Variants in PKP1 observed in about 807,000 individuals in gnomAD.
The protein encoded by PKP1 is plakophilin-1.
Under a neutral mutation model 76.4 loss-of-function variants are expected in PKP1, and 27 were observed. The ratio of observed to expected loss-of-function variants is 0.35; its 90% CI spans 0.26 to 0.49. PKP1 has a LOEUF of 0.49. PKP1 is among the 20% of genes least tolerant of loss of function. The pLI, the probability that PKP1 is intolerant of heterozygous loss-of-function variation, is 0.99. For missense variants in PKP1, 964 were observed against 955.2 expected (o/e 1.01, Z -0.12); for synonymous variants, 404 against 384.2 (o/e 1.05, Z -0.60).
intron 3 of PKP1, among the ~76,000 whole-genome samples, chr1:201,315,630 G>A (rs1451391713): frequency 6.6e-6 from 1 of 152,182 alleles, no homozygotes. Context: ...CCCTGGATAG[G>A]GGCTGGGGAA....
At chr1:201,294,405 T>G (rs538101954) in intron 2 of PKP1, among the ~76,000 whole-genome samples, 2 of 152,360 alleles carry the variant, frequency 1.3e-5, no homozygotes, top group Middle Eastern at 3.4e-3. Flanking sequence ...AGGAAAATCC[T>G]AAAGGGTCAT....
At chr1:201,290,811 G>A (rs1029978969) in intron 1 of PKP1, among the ~76,000 whole-genome samples, 4 of 152,338 alleles carry the variant, frequency 2.6e-5, no homozygotes, top group African/African-American at 9.6e-5. Context: ...AGTACATGGT[G>A]GTGGAGACTT....
rs368748415 is a variant in PKP1, at chr1:201,283,683, G to A, written c.-20G>A. ...CTGCTCTCCTAGGCCCCGGCCGCGCGCCACCCGCCTCCCGCCACCATGAAC... is the reference window on the plus strand; with the variant it reads ...CTGCTCTCCTAGGCCCCGGCCGCGCACCACCCGCCTCCCGCCACCATGAAC... On this transcript the variant is annotated 5_prime_UTR_variant, in exon 1 of 14. Transcript: ENST00000367324. 9.3e-6 allele frequency: 15 copies of A among 1,608,958 alleles called. No individual in the cohort carries two copies. Among genetic ancestry groups the A allele is most frequent in the Non-Finnish European group, 1.1e-5 (13 of 1,177,356 alleles).
chr1:201,322,998 G>T lies in PKP1; in HGVS notation c.1504-15G>T, dbSNP rs73074652. On this transcript the variant is annotated splice_polypyrimidine_tract_variant and intron_variant, in intron 8 of 13. Coordinates refer to ENST00000367324, the MANE Select transcript of PKP1 (RefSeq NM_001005337.3). ...GGCTCCCCATTGACCCCCCTGACCG[G>T]CTCTTTATCCTCAGAACAACAACTA... 1.3e-3 allele frequency: 2,124 copies of T among 1,613,524 alleles called. 22 individuals carry two copies. The African/African-American group carries it at 0.026, about 19-fold the overall frequency.
chr1:201,308,587 A>G (rs1443408495), intron 2 of PKP1, among the ~76,000 whole-genome samples: 1 of 152,162 alleles, frequency 6.6e-6, no homozygotes, highest in Non-Finnish European at 1.5e-5. Flanking sequence ...AGATAAATGT[A>G]GGATTTGGGA....
At chr1:201,327,877 A>G (rs1354780911) in intron 12 of PKP1, among the ~76,000 whole-genome samples, 2 of 152,220 alleles carry the variant, frequency 1.3e-5, no homozygotes, top group Non-Finnish European at 2.9e-5. Context: ...ATCAGGGTCC[A>G]AGGAGTTTGT....
chr1:201,287,469 C>G (rs908422628), intron 1 of PKP1, among the ~76,000 whole-genome samples: 1 of 152,368 alleles, frequency 6.6e-6, no homozygotes, highest in South Asian at 2.1e-4. Context: ...TGACCACAGG[C>G]ATCACTTCTG....
intron 2 of PKP1, among the ~76,000 whole-genome samples, chr1:201,299,169 G>T (rs1227489360): frequency 2.6e-5 from 4 of 152,220 alleles, no homozygotes; most frequent in Non-Finnish European, 5.9e-5. Context: ...CCCAGAGACA[G>T]CCCGGAGTGG....
chr1:201,302,794 AG>A (rs1320014894), intron 2 of PKP1, among the ~76,000 whole-genome samples: 1 of 152,220 alleles, frequency 6.6e-6, no homozygotes, highest in Non-Finnish European at 1.5e-5. Context: ...GAGGCCTGGA[AG>A]GGGATGAAGA....
At chr1:201,319,179 A>G (rs1339410743) in intron 6 of PKP1, among the ~76,000 whole-genome samples, 1 of 152,196 alleles carries the variant, frequency 6.6e-6, no homozygotes, top group African/African-American at 2.4e-5. Context: ...CTAATGAGTC[A>G]CTTCCCAGCT....
intron 2 of PKP1, among the ~76,000 whole-genome samples, chr1:201,312,583 A>T (rs757818013): frequency 6.6e-5 from 10 of 152,220 alleles, no homozygotes; most frequent in Non-Finnish European, 1.0e-4. Context: ...TGCCGACAGC[A>T]CCCACGTAAA....
chr1:201,289,942 G>A (rs189161561), intron 1 of PKP1, among the ~76,000 whole-genome samples: 1 of 152,320 alleles, frequency 6.6e-6, no homozygotes, highest in African/African-American at 2.4e-5. Flanking sequence ...TGACCTATTT[G>A]AAAGCTTGGA....
In PKP1 at chr1:201,317,340, CAGCTAGGATATGGG is replaced by C. The variant is rs539170444; in HGVS notation, c.847-208_847-195del. ...GGAGGGACCCTAGCTGAGGTTCTCC[CAGCTAGGATATGGG>C]AGCTAGGATATGGGAGCTAGGATCT... On this transcript the variant is annotated intron_variant, in intron 4 of 13. Transcript: ENST00000367324. 1.6e-3 allele frequency among the ~76,000 whole-genome samples: 243 copies of C among 152,242 alleles called. 1 individual carries two copies. Among genetic ancestry groups the C allele is most frequent in the African/African-American group, 3.8e-3 (156 of 41,536 alleles).
chr1:201,321,829 T>C (rs1656948950), intron 7 of PKP1, 149 bp from the exon 8 acceptor site: 3 of 858,848 alleles, frequency 3.5e-6, no homozygotes, highest in Non-Finnish European at 5.5e-6. Context: ...CTGGAAGACT[T>C]CCCAGGCTGA....
At chr1:201,312,965 T>C (rs1447423319) in intron 2 of PKP1, among the ~76,000 whole-genome samples, 1 of 152,242 alleles carries the variant, frequency 6.6e-6, no homozygotes, top group Non-Finnish European at 1.5e-5. Flanking sequence ...TCTAAATTGA[T>C]TTTATAATCC....
chr1:201,331,330 A>T lies in PKP1; in HGVS notation c.*1289A>T, dbSNP rs991117325. 1 of 152,230 alleles carries T rather than the reference A, an allele frequency of 6.6e-6. No homozygotes were observed. Among genetic ancestry groups the T allele is most frequent in the South Asian group, 2.1e-4 (1 of 4,820 alleles). 9.4% of individuals were successfully genotyped at this position (152,230 alleles called of 1,614,324 possible). ...CTCCACTCTGTGAAACCCACAGGGG[A>T]TGTGATAAACAGGGCTATTAGGGGT... On this transcript the variant is annotated 3_prime_UTR_variant, in exon 14 of 14. Coordinates refer to ENST00000367324, the MANE Select transcript of PKP1 (RefSeq NM_001005337.3).
intron 12 of PKP1, among the ~76,000 whole-genome samples, chr1:201,327,142 C>G (rs1398065726): frequency 6.6e-6 from 1 of 152,130 alleles, no homozygotes; most frequent in Non-Finnish European, 1.5e-5. Flanking sequence ...AGATGCTGCT[C>G]CCTGCAATTT....
At chr1:201,318,898 A>G in intron 6 of PKP1, 103 bp downstream of exon 6, 1 of 947,682 alleles carries the variant, frequency 1.1e-6, no homozygotes, top group Non-Finnish European at 1.7e-6. Context: ...AACATAACAG[A>G]CAACCCGGCA....
At chr1:201,316,262 T>C (rs1656744648) in intron 3 of PKP1, 1 of 385,274 alleles carries the variant, frequency 2.6e-6, no homozygotes, top group South Asian at 4.9e-5. Flanking sequence ...CCTCAGGGAA[T>C]AGGGAGGAGT....
Sources: allele counts gnomAD v4.1 joint callset (sites outside exome capture counted in the v4.1 genomes callset), GRCh38; gene constraint gnomAD v4.1.1; transcripts MANE v1.5; gene names NCBI Gene and HGNC (gene_info 2026-07-23, HGNC 2026-07-21).